Variants in WLS observed in about 807,000 individuals in gnomAD.
The protein encoded by WLS is Wnt ligand secretion mediator.
WLS carries 23 observed loss-of-function variants against 62.8 expected under a neutral mutation model. That is an observed-to-expected ratio of 0.37 (90% confidence interval 0.26 to 0.52). The LOEUF is 0.52. Among genes scored for constraint, WLS ranks in the 20% least tolerant of loss-of-function variants. The pLI is 0.92. For synonymous variants in WLS, 246 were observed against 244.1 expected, an observed-to-expected ratio of 1.01 and a Z score of -0.07; for missense variants, 615 against 697.3, an observed-to-expected ratio of 0.88 and a Z score of 1.33.
At chr1:68,100,938 G>A (rs557304884) in intron 11 of WLS, among the ~76,000 whole-genome samples, 31 of 152,182 alleles carry the variant, frequency 2.0e-4, no homozygotes, top group South Asian at 6.2e-4. Context: ...CTATGTATGC[G>A]AGCATCCCCC....
intron 1 of WLS, among the ~76,000 whole-genome samples, chr1:68,223,552 G>A (rs1227088779): frequency 2.6e-5 from 4 of 152,298 alleles, no homozygotes; most frequent in African/African-American, 9.6e-5. Flanking sequence ...AAGAAATGTA[G>A]GAGAGATGGA....
chr1:68,116,932 G>A (rs1646300341), intron 11 of WLS, among the ~76,000 whole-genome samples: 1 of 152,166 alleles, frequency 6.6e-6, no homozygotes, highest in Non-Finnish European at 1.5e-5. Context: ...GAGCCAGTTA[G>A]GGAAATAAAA....
At chr1:68,148,224 G>T in intron 7 of WLS, 25 bp from the exon 8 acceptor site, 4 of 1,611,826 alleles carry the variant, frequency 2.5e-6, no homozygotes, top group Non-Finnish European at 3.4e-6. Flanking sequence ...AGATGGAAAG[G>T]CAAGACACAA....
intron 11 of WLS, among the ~76,000 whole-genome samples, chr1:68,134,508 C>T (rs1646576677): frequency 1.3e-5 from 2 of 152,192 alleles, no homozygotes; most frequent in African/African-American, 4.8e-5. Flanking sequence ...ACTAAATTGC[C>T]TGAAGAATGT....
chr1:68,115,844 A>T (rs1646285322), intron 11 of WLS, among the ~76,000 whole-genome samples: 1 of 152,218 alleles, frequency 6.6e-6, no homozygotes, highest in Non-Finnish European at 1.5e-5. Flanking sequence ...AACAAATAGC[A>T]ATCAAGGGCT....
chr1:68,227,461 A>C (rs1164032290), intron 1 of WLS, among the ~76,000 whole-genome samples: 1 of 151,652 alleles, frequency 6.6e-6, no homozygotes, highest in African/African-American at 2.4e-5. Context: ...GCATGATTAC[A>C]CTGCAAGAAC....
chr1:68,116,913 G>T (rs1225890727), intron 11 of WLS, among the ~76,000 whole-genome samples: 2 of 152,166 alleles, frequency 1.3e-5, no homozygotes, highest in Non-Finnish European at 2.9e-5. Context: ...TAACAGAACT[G>T]TCCCTCCTGA....
At chr1:68,116,730 C>T (rs1465401560) in intron 11 of WLS, among the ~76,000 whole-genome samples, 1 of 152,226 alleles carries the variant, frequency 6.6e-6, no homozygotes, top group East Asian at 1.9e-4. Context: ...TGTGTTAGAA[C>T]AGTGCCTGGT....
chr1:68,166,079 GCA>G (rs1336153497), intron 2 of WLS, among the ~76,000 whole-genome samples: 1 of 152,104 alleles, frequency 6.6e-6, no homozygotes, highest in Non-Finnish European at 1.5e-5. Context: ...TGAAAATTGT[GCA>G]CAGTATTTTA....
At chr1:68,189,405 A>T (rs1156652156) in intron 2 of WLS, among the ~76,000 whole-genome samples, 3 of 152,062 alleles carry the variant, frequency 2.0e-5, no homozygotes, top group Non-Finnish European at 4.4e-5. Flanking sequence ...TGAACAGTAT[A>T]TTTTTTCTTT....
At chr1:68,108,045 A>G (rs1361578049) in intron 11 of WLS, among the ~76,000 whole-genome samples, 1 of 152,208 alleles carries the variant, frequency 6.6e-6, no homozygotes. Flanking sequence ...TAGGTCTTTT[A>G]TTAGTCTTTA....
chr1:68,228,486 C>T (rs180887192), intron 1 of WLS, among the ~76,000 whole-genome samples: 2 of 152,106 alleles, frequency 1.3e-5, no homozygotes, highest in Admixed American at 6.5e-5. Context: ...ACCACCACCC[C>T]CAAAGCTGCC....
Position 68,125,455 on chromosome 1 carries a change from GTATCT to G in WLS, c.*766_*770del. The G allele has an allele frequency of 1.0e-6, 1 of 985,412 alleles. No homozygotes were observed. Among genetic ancestry groups the G allele is most frequent in the Non-Finnish European group, 1.2e-6 (1 of 829,926 alleles). The allele number at this position is 985,412 out of a possible 1,614,324, so 61.0% of individuals were successfully genotyped here. On this transcript the variant is annotated 3_prime_UTR_variant, in exon 12 of 12. Coordinates refer to ENST00000262348, the MANE Select transcript of WLS (RefSeq NM_024911.7). ...TCTACACTTTTGGAGGCTATTTGAA[GTATCT>G]TATCAAAATAAAACGCATTTTAAGC...
chr1:68,189,863 G>A (rs1044178082), intron 2 of WLS, among the ~76,000 whole-genome samples: 13 of 152,214 alleles, frequency 8.5e-5, no homozygotes, highest in East Asian at 1.9e-4. Context: ...GCGAAACCCC[G>A]TCTCTACTAA....
At chr1:68,104,133 G>A (rs1570791108) in intron 11 of WLS, among the ~76,000 whole-genome samples, 1 of 151,992 alleles carries the variant, frequency 6.6e-6, no homozygotes. Context: ...TTGATGTAGT[G>A]TTTGATTAAG....
intron 1 of WLS, among the ~76,000 whole-genome samples, chr1:68,222,320 A>T (rs1432034933): frequency 2.0e-5 from 3 of 152,154 alleles, no homozygotes; most frequent in African/African-American, 4.8e-5. Flanking sequence ...GATTTTTTTT[A>T]AATTCTGTAG....
chr1:68,212,059 G>A (rs1365270917), intron 1 of WLS, among the ~76,000 whole-genome samples: 1 of 152,198 alleles, frequency 6.6e-6, no homozygotes, highest in African/African-American at 2.4e-5. Context: ...CTAAGAGAAA[G>A]AGAAAGAGCT....
chr1:68,155,589 C>A (rs1646885814), intron 3 of WLS, among the ~76,000 whole-genome samples: 1 of 152,202 alleles, frequency 6.6e-6, no homozygotes, highest in South Asian at 2.1e-4. Flanking sequence ...TCTTACGAAT[C>A]TTGTCTGCCA....
chr1:68,180,005 G>A (rs896212291), intron 2 of WLS, among the ~76,000 whole-genome samples: 4 of 148,350 alleles, frequency 2.7e-5, no homozygotes, highest in Admixed American at 1.4e-4. Context: ...TTCAGTAGAG[G>A]TGGTGGAACA....
Sources: allele counts gnomAD v4.1 joint callset (sites outside exome capture counted in the v4.1 genomes callset), GRCh38; gene constraint gnomAD v4.1.1; transcripts MANE v1.5; gene names NCBI Gene and HGNC (gene_info 2026-07-23, HGNC 2026-07-21).